The following NLGN4X variants were observed in gnomAD, a reference collection of about 807,000 sequenced individuals.
NLGN4X encodes the protein neuroligin-4, X-linked.
Under a neutral mutation model 40.3 loss-of-function variants are expected in NLGN4X, and 3 were observed. The ratio of observed to expected loss-of-function variants is 0.07; its 90% CI spans 0.03 to 0.19. The LOEUF (loss-of-function observed/expected upper bound fraction) is 0.19. NLGN4X is among the 10% of genes least tolerant of loss of function. The pLI is 1.00. For synonymous variants in NLGN4X, 270 were observed against 306.8 expected (o/e 0.88, Z 1.25); for missense variants, 382 against 708.3 (o/e 0.54, Z 5.23).
chrX:6,027,245 A>C (rs2036723111), intron 3 of NLGN4X, among the ~76,000 whole-genome samples: 1 of 112,073 alleles, frequency 8.9e-6, no homozygotes, highest in Admixed American at 9.5e-5. Context: ...CAAGAAGCAC[A>C]ATTTCCTGTT....
intron 3 of NLGN4X, among the ~76,000 whole-genome samples, chrX:5,969,098 A>G (rs1304236167): frequency 9.0e-6 from 1 of 110,557 alleles, no homozygotes; most frequent in Non-Finnish European, 1.9e-5. Flanking sequence ...AATACCATTC[A>G]GGACATAGGC....
intron 3 of NLGN4X, among the ~76,000 whole-genome samples, chrX:5,970,319 C>G (rs1434427300): frequency 1.8e-5 from 2 of 110,680 alleles, no homozygotes; most frequent in Admixed American, 9.6e-5. Context: ...CACATGTACC[C>G]TAGAACTTAA....
chrX:6,099,088 CCT>C (rs985262163), intron 2 of NLGN4X, among the ~76,000 whole-genome samples: 1 of 111,848 alleles, frequency 8.9e-6, no homozygotes, highest in Non-Finnish European at 1.9e-5. Flanking sequence ...CCAAATGTCC[CCT>C]GAGGCAAAAT....
chrX:6,050,032 TTGGGAAAGG>T (rs2037441071), intron 2 of NLGN4X, among the ~76,000 whole-genome samples: 1 of 111,513 alleles, frequency 9.0e-6, no homozygotes, highest in Non-Finnish European at 1.9e-5. Flanking sequence ...GATCCCTGGT[TTGGGAAAGG>T]TGGCAGAGAA....
intron 2 of NLGN4X, among the ~76,000 whole-genome samples, chrX:6,133,544 T>C (rs1056058244): frequency 1.8e-5 from 2 of 112,077 alleles, no homozygotes; most frequent in African/African-American, 6.5e-5. Context: ...TCTGTTTATA[T>C]GTGGATTAAA....
At chrX:6,107,982 C>T (rs769553715) in intron 2 of NLGN4X, among the ~76,000 whole-genome samples, 9 of 111,678 alleles carry the variant, frequency 8.1e-5, no homozygotes, top group Non-Finnish European at 1.7e-4. Flanking sequence ...TTCCACAACT[C>T]GGCTATTGTA....
intron 2 of NLGN4X, among the ~76,000 whole-genome samples, chrX:6,072,659 G>A (rs1006029353): frequency 7.2e-5 from 8 of 111,440 alleles, no homozygotes; most frequent in African/African-American, 2.0e-4. Context: ...CTCCCTTGCC[G>A]CTGTGCCATA....
chrX:6,187,998 T>A (rs185188294), intron 1 of NLGN4X, among the ~76,000 whole-genome samples: 2 of 112,402 alleles, frequency 1.8e-5, no homozygotes, highest in African/African-American at 6.5e-5. Context: ...TATTTTCGTT[T>A]GATCAATAAC....
At chrX:5,938,381 T>C (rs2033802088) in intron 3 of NLGN4X, among the ~76,000 whole-genome samples, 1 of 107,694 alleles carries the variant, frequency 9.3e-6, no homozygotes, top group Admixed American at 1.0e-4. Flanking sequence ...GTCGGAGAAT[T>C]TGGGGGATGC....
In NLGN4X at chrX:6,097,821, TCCTCAAATCATG is replaced by T. The variant is rs745701210; in HGVS notation, c.472+53162_472+53173del. On this transcript the variant is annotated intron_variant, in intron 2 of 5. Coordinates refer to ENST00000381095, the MANE Select transcript of NLGN4X (RefSeq NM_181332.3). Reference sequence around the variant, plus strand: ...AACTCAGGCTTAAAAAAATAACACGTCCTCAAATCATGGCCCTTTACAGCTACAACATTAAGA... The same window carrying T: ...AACTCAGGCTTAAAAAAATAACACGTGCCCTTTACAGCTACAACATTAAGA... Among the ~76,000 whole-genome samples the T allele has an allele frequency of 1.0e-4, 11 of 110,376 alleles. No individual in the cohort carries two copies. In the East Asian group the frequency reaches 2.9e-3, roughly 29 times the overall value.
At chrX:6,145,939 A>G (rs2040036606) in intron 2 of NLGN4X, among the ~76,000 whole-genome samples, 1 of 110,122 alleles carries the variant, frequency 9.1e-6, no homozygotes, top group Non-Finnish European at 1.9e-5. Flanking sequence ...ACATAGTGAC[A>G]CCCCATCTCT....
At chrX:5,956,235 A>G (rs2034492567) in intron 3 of NLGN4X, among the ~76,000 whole-genome samples, 1 of 108,873 alleles carries the variant, frequency 9.2e-6, no homozygotes, top group Non-Finnish European at 1.9e-5. Flanking sequence ...ATATAAATAT[A>G]TAATTTTGAC....
intron 2 of NLGN4X, among the ~76,000 whole-genome samples, chrX:6,133,594 A>G (rs1046555386): frequency 2.7e-5 from 3 of 112,119 alleles, no homozygotes; most frequent in Non-Finnish European, 5.6e-5. Flanking sequence ...GAATATGTAC[A>G]TATATAAAAT....
chrX:6,066,135 T>G (rs1327109743), intron 2 of NLGN4X, among the ~76,000 whole-genome samples: 1 of 112,274 alleles, frequency 8.9e-6, no homozygotes, highest in Non-Finnish European at 1.9e-5. Context: ...CCCCTTGACA[T>G]GCAGGATTGT....
At chrX:6,020,963 C>T (rs2036514103) in intron 3 of NLGN4X, among the ~76,000 whole-genome samples, 1 of 106,744 alleles carries the variant, frequency 9.4e-6, no homozygotes, top group Non-Finnish European at 1.9e-5. Flanking sequence ...AGGCATACAT[C>T]ACCACATCTG....
At chrX:6,020,401 G>T (rs1002593045) in intron 3 of NLGN4X, among the ~76,000 whole-genome samples, 17 of 111,968 alleles carry the variant, frequency 1.5e-4, no homozygotes, top group Middle Eastern at 4.2e-3. Flanking sequence ...CTAAAAAAAA[G>T]TCAAGCTTAC....
Position 6,221,391 on chromosome X carries a change from T to TTATATATATATA in NLGN4X, c.-306+7138_-306+7149dup, listed in dbSNP as rs60897428. ...GAAAACCACATTTTTCCTTCTTATATTATATATATATATATATATATATAT... is the reference window on the plus strand; with the variant it reads ...GAAAACCACATTTTTCCTTCTTATATTATATATATATATATATATATATATATATATATATAT... On this transcript the variant is annotated intron_variant, in intron 1 of 5. Transcript: ENST00000381095. Among the ~76,000 whole-genome samples the TTATATATATATA allele has an allele frequency of 8.4e-3, 449 of 53,241 alleles. 2 individuals carry two copies. The highest frequency in any genetic ancestry group is 9.8e-3 in the African/African-American group (130 of 13,219). 46.2% of individuals were successfully genotyped at this position (53,241 alleles called of 115,157 possible).
intron 1 of NLGN4X, among the ~76,000 whole-genome samples, chrX:6,221,508 T>C (rs1925713129): frequency 9.5e-6 from 1 of 104,922 alleles, no homozygotes; most frequent in African/African-American, 3.5e-5. Context: ...TGTGTTAGCA[T>C]ATGCATACAT....
rs746735991 is a variant in NLGN4X, at chrX:5,988,791, G to T, written c.625+40489C>A. On this transcript the variant is annotated intron_variant, in intron 3 of 5. Coordinates refer to ENST00000381095, the MANE Select transcript of NLGN4X (RefSeq NM_181332.3). ...CCTTAAGGTTTAGTTGAGGCTGGGC[G>T]CATTGGCTCCCGCCTGTAATCCCAG... Among the ~76,000 whole-genome samples, 3 of 112,318 alleles carry T rather than the reference G, an allele frequency of 2.7e-5. No individual in the cohort carries two copies. In the South Asian group the frequency reaches 1.1e-3, roughly 41 times the overall value.
Sources: allele counts gnomAD v4.1 joint callset (sites outside exome capture counted in the v4.1 genomes callset), GRCh38; gene constraint gnomAD v4.1.1; transcripts MANE v1.5; gene names NCBI Gene and HGNC (gene_info 2026-07-23, HGNC 2026-07-21).